GRID1: variants seen among roughly 807,000 people sequenced by gnomAD.
The protein encoded by GRID1 is glutamate receptor ionotropic, delta-1.
A neutral mutation model predicts 98.0 loss-of-function variants in GRID1; 28 were observed. The ratio of observed to expected loss-of-function variants is 0.29; its 90% confidence interval spans 0.21 to 0.39. The LOEUF (loss-of-function observed/expected upper bound fraction) is 0.39, where lower values mean the gene tolerates loss of function less well. Ranked by LOEUF, GRID1 falls within the 10% of genes least tolerant of loss-of-function variation. The pLI is 1.00. For missense variants in GRID1, 1,111 were observed against 1,340.5 expected, an observed-to-expected ratio of 0.83 and a Z score of 2.67; for synonymous variants, 553 against 538.5, an observed-to-expected ratio of 1.03 and a Z score of -0.37.
intron 2 of GRID1, among the ~76,000 whole-genome samples, chr10:86,294,343 G>A (rs143081472): frequency 1.3e-5 from 2 of 152,236 alleles, no homozygotes; most frequent in Admixed American, 6.5e-5. Flanking sequence ...GATGGGAGCT[G>A]TTGGGAGCTT....
At chr10:86,193,501 A>G (rs1845833209) in intron 3 of GRID1, among the ~76,000 whole-genome samples, 1 of 151,892 alleles carries the variant, frequency 6.6e-6, no homozygotes, top group African/African-American at 2.4e-5. Flanking sequence ...ATGATGGCCA[A>G]TCATCCAGGG....
At chr10:86,288,203 G>A (rs904664340) in intron 2 of GRID1, among the ~76,000 whole-genome samples, 2 of 152,186 alleles carry the variant, frequency 1.3e-5, no homozygotes, top group Admixed American at 6.5e-5. Flanking sequence ...GTTCACCTGC[G>A]AGAGCAGAGT....
At chr10:85,957,940 T>TCC (rs1301278670) in intron 4 of GRID1, among the ~76,000 whole-genome samples, 1 of 152,120 alleles carries the variant, frequency 6.6e-6, no homozygotes, top group Non-Finnish European at 1.5e-5. Flanking sequence ...GTAAGGACCT[T>TCC]CCCCAAATTG....
chr10:85,750,657 C>T (rs1842038023), intron 8 of GRID1, among the ~76,000 whole-genome samples: 2 of 152,118 alleles, frequency 1.3e-5, no homozygotes, highest in South Asian at 2.1e-4. Flanking sequence ...TAAACTGATA[C>T]TCTGTGGAAG....
intron 5 of GRID1, among the ~76,000 whole-genome samples, chr10:85,901,823 G>T (rs981217338): frequency 1.1e-4 from 16 of 152,070 alleles, no homozygotes; most frequent in South Asian, 2.1e-4. Flanking sequence ...GTCTCCACAG[G>T]GCTTTTCAAA....
Position 85,727,898 on chromosome 10 carries a change from T to A in GRID1, c.1490A>T (p.His497Leu). 2 of 1,613,978 alleles carry A rather than the reference T, an allele frequency of 1.2e-6. No individual in the cohort carries two copies. The highest frequency in any genetic ancestry group is 1.7e-6 in the Non-Finnish European group (2 of 1,179,918). ...APDGRYGHQLHNTSWNGMIGE... is the reference protein window; with the variant it reads ...APDGRYGHQLLNTSWNGMIGE... ...GATCATCCCGTTCCAGGAGGTGTTA[T>A]GGAGCTGGTGACCGTACCTGCCATC... is the stretch of plus-strand genomic sequence containing the variant. Residue 497 changes from histidine to leucine, a missense_variant, in exon 10 of 16, where the codon CAT becomes CTT. Physicochemically the swap from His to Leu is moderately conservative, Grantham distance 99 (BLOSUM62 -3). Coordinates refer to ENST00000327946, the MANE Select transcript of GRID1 (RefSeq NM_017551.3).
intron 3 of GRID1, among the ~76,000 whole-genome samples, chr10:86,173,822 G>C (rs11817687): frequency 6.8e-6 from 1 of 147,692 alleles, no homozygotes; most frequent in African/African-American, 2.5e-5. Flanking sequence ...GAGAATATGC[G>C]GTGTTTGGTT....
intron 8 of GRID1, among the ~76,000 whole-genome samples, chr10:85,823,231 TA>T (rs1842789307): frequency 6.6e-6 from 1 of 152,202 alleles, no homozygotes; most frequent in South Asian, 2.1e-4. Context: ...TCAATTATTT[TA>T]CTTCAATCAT....
intron 4 of GRID1, among the ~76,000 whole-genome samples, chr10:86,013,575 AAAC>A (rs1489129208): frequency 1.3e-5 from 2 of 152,194 alleles, no homozygotes; most frequent in Non-Finnish European, 2.9e-5. Flanking sequence ...CCTTTATCTC[AAAC>A]AACAACAAAA....
chr10:86,261,408 G>A (rs1172995013), intron 2 of GRID1, among the ~76,000 whole-genome samples: 1 of 152,198 alleles, frequency 6.6e-6, no homozygotes, highest in Non-Finnish European at 1.5e-5. Flanking sequence ...ACTTAGCACA[G>A]AGCCTGGCAC....
Position 85,757,804 on chromosome 10 carries a change from C to T in GRID1, c.1234-28190G>A, listed in dbSNP as rs146655343. ...AACTCCAAGGTGGGGACAGTCATTC[C>T]TACCTGCTATAAGATTCAATGATAA... On this transcript the variant is annotated intron_variant, in intron 8 of 15. Transcript: ENST00000327946. Among the ~76,000 whole-genome samples the T allele has an allele frequency of 9.1e-4, 138 of 152,318 alleles. 1 individual carries two copies. In the East Asian group the frequency reaches 0.02, roughly 23 times the overall value.
intron 8 of GRID1, among the ~76,000 whole-genome samples, chr10:85,835,464 A>C (rs1447803046): frequency 6.6e-6 from 1 of 152,144 alleles, no homozygotes; most frequent in East Asian, 1.9e-4. Context: ...AGATCTGATG[A>C]TTTTATAAAT....
rs1382037396 is a variant in GRID1, at chr10:85,634,234, A to C, written c.2193+12968T>G. Among the ~76,000 whole-genome samples, 10 of 121,020 alleles carry C rather than the reference A, an allele frequency of 8.3e-5. 1 individual carries two copies. Among genetic ancestry groups the C allele is most frequent in the Non-Finnish European group, 1.8e-4 (10 of 56,676 alleles). 79.4% of individuals were successfully genotyped at this position (121,020 alleles called of 152,430 possible). A position where few individuals can be genotyped will look rare whatever the true frequency, so the allele number is the denominator to read the frequency against. On this transcript the variant is annotated intron_variant, in intron 13 of 15. Transcript: ENST00000327946. Reference sequence around the variant, plus strand: ...AGGGGTAGTGGGGGAATTCCTGCACAGCCCTGATGGGGCACCTCTCTCTCT... The same window carrying C: ...AGGGGTAGTGGGGGAATTCCTGCACCGCCCTGATGGGGCACCTCTCTCTCT...
chr10:85,609,609 A>G (rs1388466456), intron 15 of GRID1, among the ~76,000 whole-genome samples: 1 of 152,210 alleles, frequency 6.6e-6, no homozygotes, highest in East Asian at 1.9e-4. Context: ...GAGGCTGCCC[A>G]CAGCCAGAAC....
At chr10:85,670,620 A>G (rs998197002) in intron 12 of GRID1, among the ~76,000 whole-genome samples, 2 of 152,110 alleles carry the variant, frequency 1.3e-5, no homozygotes, top group Non-Finnish European at 2.9e-5. Context: ...AGTTGCTTGA[A>G]GCCCCCTCAT....
intron 12 of GRID1, among the ~76,000 whole-genome samples, chr10:85,709,471 G>T (rs567049648): frequency 6.6e-6 from 1 of 152,220 alleles, no homozygotes; most frequent in South Asian, 2.1e-4. Context: ...ACAACATATA[G>T]GGCAATAAAT....
chr10:86,247,254 T>C (rs1402399573), intron 2 of GRID1, among the ~76,000 whole-genome samples: 1 of 103,652 alleles, frequency 9.6e-6, no homozygotes, highest in Non-Finnish European at 2.2e-5. Context: ...GACAGATGGA[T>C]GGATAGATGG....
At chr10:86,304,381 G>A (rs1847731145) in intron 2 of GRID1, among the ~76,000 whole-genome samples, 1 of 152,198 alleles carries the variant, frequency 6.6e-6, no homozygotes. Flanking sequence ...ACCCTCAGCT[G>A]CCTCACTCAG....
chr10:85,824,423 G>C (rs897518268), intron 8 of GRID1, among the ~76,000 whole-genome samples: 2 of 152,170 alleles, frequency 1.3e-5, no homozygotes, highest in Non-Finnish European at 2.9e-5. Context: ...TGTTGGCCAG[G>C]CTAGTCTCGA....
Sources: allele counts gnomAD v4.1 joint callset (sites outside exome capture counted in the v4.1 genomes callset), GRCh38; gene constraint gnomAD v4.1.1; transcripts MANE v1.5; gene names NCBI Gene and HGNC (gene_info 2026-07-23, HGNC 2026-07-21).